CFAP46: variants seen among roughly 807,000 people sequenced by gnomAD.
CFAP46 encodes cilia and flagella associated protein 46.
A neutral mutation model predicts 325.7 loss-of-function variants in CFAP46; 245 were observed. That is an observed-to-expected ratio of 0.75 (90% CI 0.68 to 0.84). CFAP46 has a LOEUF of 0.84. Among genes scored for constraint, CFAP46 ranks in the 40% least tolerant of loss-of-function variants. CFAP46 has a pLI of 0.00. For missense variants in CFAP46, 3,346 were observed against 3,543.0 expected (o/e 0.94, Z 1.41); for synonymous variants, 1,523 against 1,495.9 (o/e 1.02, Z -0.42).
In CFAP46 at chr10:132,938,639, C is replaced by T. The variant is rs1850049773; in HGVS notation, c.486G>A (p.Val162=). The change falls in exon 5 of 58, where the codon GTG becomes GTA. Residue 162 remains valine, a synonymous_variant. Transcript: ENST00000368586. ...LIPSLSQIIN[V]LSQTEEEDKE... ...TGTCTTCCTCCTCAGTCTGACTCAG[C>T]ACGTTTATGATTTGGGAAAGGCTGG... 1.2e-6 allele frequency: 2 copies of T among 1,613,678 alleles called. No homozygotes were observed. Among genetic ancestry groups the T allele is most frequent in the Non-Finnish European group, 1.7e-6 (2 of 1,179,986 alleles).
In CFAP46 at chr10:132,876,731, G is replaced by A. The variant is rs1848962384; in HGVS notation, c.4362+81C>T. 7.1e-7 allele frequency: 1 copy of A among 1,410,734 alleles called. No individual in the cohort carries two copies. Among genetic ancestry groups the A allele is most frequent in the African/African-American group, 1.4e-5 (1 of 69,256 alleles). The allele number at this position is 1,410,734 out of a possible 1,614,324, so 87.4% of individuals were successfully genotyped here. ...CTCCTTTTTCTGGCTACAGTTCACA[G>A]TGAAAACTGGACTTGGGGACAGGTC... is the stretch of plus-strand genomic sequence containing the variant. On this transcript the variant is annotated intron_variant, in intron 31 of 57. Coordinates refer to ENST00000368586, the MANE Select transcript of CFAP46 (RefSeq NM_001200049.3). This position sits in a 1 kb window ranked among gnomAD's most constrained non-coding sequence, Gnocchi z 4.1.
chr10:132,847,135 C>A lies in CFAP46; in HGVS notation c.6088-24G>T. On this transcript the variant is annotated intron_variant, in intron 42 of 57. Coordinates refer to ENST00000368586, the MANE Select transcript of CFAP46 (RefSeq NM_001200049.3). The surrounding 1 kb of genome is among the most constrained non-coding windows in gnomAD (Gnocchi z 5.2). ...CTCTGTGGGGCACAAGGCTCAGGCTCAGGCCAGGCTCCGGGCAGAGGCCAC... is the reference window on the plus strand; with the variant it reads ...CTCTGTGGGGCACAAGGCTCAGGCTAAGGCCAGGCTCCGGGCAGAGGCCAC... 1 of 1,608,072 alleles carries A rather than the reference C, an allele frequency of 6.2e-7. No homozygotes were observed. The highest frequency in any genetic ancestry group is 8.5e-7 in the Non-Finnish European group (1 of 1,177,704).
At position 132,847,800 on chromosome 10, in the gene CFAP46, GC is replaced by G. The variant is rs540028708; in HGVS notation, c.5953-480del. Among the ~76,000 whole-genome samples the G allele has an allele frequency of 1.2e-4, 19 of 152,308 alleles. No homozygotes were observed. In the South Asian group the frequency reaches 3.5e-3, roughly 28 times the overall value. The stretch of plus-strand genomic sequence containing the variant: ...CCTGAAGAACCTGGGTTGAGAGGGA[GC>G]CCCCTGGGTTTTCGGGACACAAGGT... On this transcript the variant is annotated intron_variant, in intron 41 of 57. Coordinates refer to ENST00000368586, the MANE Select transcript of CFAP46 (RefSeq NM_001200049.3). The surrounding 1 kb of genome is among the most constrained non-coding windows in gnomAD (Gnocchi z 5.2).
At chr10:132,888,335 C>T (rs1319175382) in intron 25 of CFAP46, among the ~76,000 whole-genome samples, 2 of 133,286 alleles carry the variant, frequency 1.5e-5, no homozygotes, top group African/African-American at 5.8e-5. Flanking sequence ...CTGCCGCCTG[C>T]ACCTGCCACC....
At chr10:132,883,959 T>C (rs1326562434) in intron 27 of CFAP46, among the ~76,000 whole-genome samples, 1 of 152,030 alleles carries the variant, frequency 6.6e-6, no homozygotes, top group African/African-American at 2.4e-5. Context: ...TGTGTGTGGG[T>C]GATTATATAA....
In CFAP46 at chr10:132,869,332, C is replaced by T. The variant is rs959109442; in HGVS notation, c.4552G>A (p.Ala1518Thr). 1.0e-5 allele frequency: 16 copies of T among 1,538,798 alleles called. No homozygotes were observed. In the African/African-American group the frequency reaches 2.1e-4, roughly 20 times the overall value. ...ACSELKLREA[A>T]ARHEEAVGQV... ...CCGACCGCCTCTTCATGGCGCGCGG[C>T]TGCTTCTCTCAGCTTCAGCTCGGAG... Residue 1518 changes from alanine (A) to threonine (T), a missense_variant, in exon 33 of 58, where the codon GCC (alanine) becomes ACC (threonine). Coordinates refer to ENST00000368586, the MANE Select transcript of CFAP46 (RefSeq NM_001200049.3). The surrounding 1 kb of genome is among the most constrained non-coding windows in gnomAD (Gnocchi z 6.2).
intron 46 of CFAP46, among the ~76,000 whole-genome samples, chr10:132,835,858 G>A (rs1273418776): frequency 1.3e-4 from 3 of 23,268 alleles, no homozygotes; most frequent in African/African-American, 3.6e-4. Context: ...CTCCCCTCCC[G>A]AAACCACTCC....
Position 132,835,360 on chromosome 10 carries a change from G to A in CFAP46, c.6688C>T (p.Arg2230Trp), listed in dbSNP as rs760274512. ...SHLLACAQQF[R>W]KQTQAQVYSE... ...TACACCTGGGCCTGGGTCTGCTTCC[G>A]GAACTGCTGGGCACAGGCCAGCAGG... Residue 2230 changes from arginine (R) to tryptophan (W), a missense_variant, in exon 47 of 58, where the codon CGG becomes TGG. Coordinates refer to ENST00000368586, the MANE Select transcript of CFAP46 (RefSeq NM_001200049.3). 3.5e-5 allele frequency: 57 copies of A among 1,613,558 alleles called. No homozygotes were observed. The highest frequency in any genetic ancestry group is 4.2e-5 in the Non-Finnish European group (50 of 1,179,950).
At chr10:132,860,760 C>T (rs1438271599) in intron 36 of CFAP46, 22 bp downstream of exon 36, 4 of 1,549,100 alleles carry the variant, frequency 2.6e-6, no homozygotes, top group Non-Finnish European at 3.5e-6. Flanking sequence ...GACATGCAGC[C>T]CCAGGTCCCC....
chr10:132,812,695 G>A, intron 55 of CFAP46, 90 bp downstream of exon 55: 1 of 895,698 alleles, frequency 1.1e-6, no homozygotes, highest in East Asian at 2.4e-5. Flanking sequence ...GGTGGGGGCA[G>A]CACCAGCAGG....
rs1325291159 is a variant in CFAP46 at position 132,869,321 on chromosome 10, A to G, written c.4563T>C (p.His1521=). ...CGCACACCTGCCCGACCGCCTCTTC[A>G]TGGCGCGCGGCTGCTTCTCTCAGCT... ...ELKLREAAAR[H]EEAVGQVCVS... Residue 1521 remains histidine, a synonymous_variant, in exon 33 of 58, where the codon CAT becomes CAC. Transcript: ENST00000368586. The surrounding 1 kb of genome is among the most constrained non-coding windows in gnomAD (Gnocchi z 6.2). The G allele has an allele frequency of 3.2e-6, 5 of 1,539,378 alleles. No homozygotes were observed. The Admixed American group carries it at 5.9e-5, about 18-fold the overall frequency.
chr10:132,885,675 G>A (rs1849112203), intron 26 of CFAP46, 146 bp downstream of exon 26: 2 of 755,232 alleles, frequency 2.6e-6, no homozygotes, highest in South Asian at 1.8e-5. Flanking sequence ...GGTGGTGGGG[G>A]GAGCACACTC....
Position 132,809,100 on chromosome 10 carries a change from C to T in CFAP46, c.7665-196G>A, listed in dbSNP as rs895156280. ...CCGCACCGAGGTGTCCAGGCCCGCG[C>T]AGCCGGGTGACGGCACCAGGACTGG... is the stretch of plus-strand genomic sequence containing the variant. On this transcript the variant is annotated intron_variant, in intron 57 of 57. Coordinates refer to ENST00000368586, the MANE Select transcript of CFAP46 (RefSeq NM_001200049.3). Among the ~76,000 whole-genome samples, 11 of 152,258 alleles carry T rather than the reference C, an allele frequency of 7.2e-5. 1 individual carries two copies. Among genetic ancestry groups the T allele is most frequent in the African/African-American group, 2.4e-4 (10 of 41,550 alleles).
chr10:132,926,796 C>CAAAG, intron 9 of CFAP46, 130 bp from the exon 10 acceptor site: 2 of 712,618 alleles, frequency 2.8e-6, no homozygotes, highest in Non-Finnish European at 4.9e-6. Context: ...CACGATGACA[C>CAAAG]AAAGACACCT....
intron 50 of CFAP46, among the ~76,000 whole-genome samples, chr10:132,823,247 C>T (rs1480901325): frequency 6.1e-4 from 46 of 75,832 alleles, no homozygotes; most frequent in African/African-American, 7.6e-4. Context: ...GCTGTGTGAG[C>T]GCTGATGTGT....
At chr10:132,892,482 T>C (rs1163787410) in intron 24 of CFAP46, 65 bp from the exon 25 acceptor site, 15 of 1,426,364 alleles carry the variant, frequency 1.1e-5, no homozygotes, top group Non-Finnish European at 1.4e-5. Flanking sequence ...CACCATGAGA[T>C]AAGAAACTCC....
intron 5 of CFAP46, 43 bp downstream of exon 5, chr10:132,938,546 G>A (rs201397278): frequency 2.7e-4 from 433 of 1,591,256 alleles, no homozygotes; most frequent in Admixed American, 6.5e-4. Context: ...GCCAGAGGGC[G>A]GCCCACCGGG....
At chr10:132,941,872 G>C in intron 2 of CFAP46, 108 bp downstream of exon 2, 8 of 1,508,814 alleles carry the variant, frequency 5.3e-6, no homozygotes, top group Admixed American at 4.2e-5. Context: ...TTGACTGCCC[G>C]GCCAGGAGCT....
chr10:132,932,033 T>C (rs1204629611), intron 8 of CFAP46, among the ~76,000 whole-genome samples: 2 of 122,148 alleles, frequency 1.6e-5, no homozygotes, highest in Admixed American at 8.6e-5. Flanking sequence ...CTCCCCAGAC[T>C]TCTCACACAA....
Sources: gnomAD v4.1 joint callset for allele counts (sites outside exome capture counted in the v4.1 genomes callset) on GRCh38, gnomAD v4.1.1 for gene constraint, Gnocchi (gnomAD v3.1) non-coding constraint, MANE v1.5 for transcripts, NCBI Gene and HGNC (gene_info 2026-07-23, HGNC 2026-07-21) for gene names.